IQGAP2: variants seen among roughly 807,000 people sequenced by gnomAD.
IQGAP2 encodes ras GTPase-activating-like protein IQGAP2.
Under a neutral mutation model 201.3 loss-of-function variants are expected in IQGAP2, and 173 were observed. That is an observed-to-expected ratio of 0.86 (90% confidence interval 0.76 to 0.98). The LOEUF (loss-of-function observed/expected upper bound fraction) is 0.98, where lower values mean the gene tolerates loss of function less well. Ranked by LOEUF, IQGAP2 falls within the 50% of genes least tolerant of loss-of-function variation. The probability of loss-of-function intolerance (pLI) is 0.00; values close to 1 mark genes in which losing one functional copy is unlikely to be tolerated. For synonymous variants in IQGAP2, 675 were observed against 673.9 expected (o/e 1.00, Z -0.03); for missense variants, 1,687 against 1,864.8 (o/e 0.90, Z 1.76).
At chr5:76,521,505 C>T (rs1276840561) in intron 2 of IQGAP2, among the ~76,000 whole-genome samples, 1 of 152,246 alleles carries the variant, frequency 6.6e-6, no homozygotes, top group Non-Finnish European at 1.5e-5. Flanking sequence ...CTTTATAAAA[C>T]TCCTCCATAC....
intron 2 of IQGAP2, among the ~76,000 whole-genome samples, chr5:76,483,641 C>G (rs1755928166): frequency 6.6e-6 from 1 of 152,190 alleles, no homozygotes; most frequent in South Asian, 2.1e-4. Context: ...CTCCTGGCCA[C>G]CCGGAGCACT....
rs1305588486 is a variant in IQGAP2 at position 76,631,968 on chromosome 5, G to A, written c.1722G>A (p.Glu574=). The A allele has an allele frequency of 3.7e-6, 6 of 1,612,824 alleles. No individual in the cohort carries two copies. The highest frequency in any genetic ancestry group is 3.3e-5 in the Admixed American group (2 of 59,924). The part of the protein sequence containing the change: ...STSNANDIIP[E]CADKYYDALV... Reference sequence around the variant, plus strand: ...CTAATGCAAATGACATAATCCCGGAGTGTGCTGACAAATACTATGATGCCC... The same window carrying A: ...CTAATGCAAATGACATAATCCCGGAATGTGCTGACAAATACTATGATGCCC... Residue 574 remains glutamate, a synonymous_variant, in exon 15 of 36, where the codon GAG becomes GAA. Transcript: ENST00000274364.
intron 33 of IQGAP2, among the ~76,000 whole-genome samples, chr5:76,700,520 TC>T (rs11301100): frequency 0.18 from 26,687 of 150,016 alleles, 2,958 homozygotes; most frequent in South Asian, 0.37. Context: ...ACAAAAAACC[TC>T]CCCCCAAAAA....
rs149571770 is a variant in IQGAP2, at chr5:76,559,347, C to T, written c.147-3049C>T. The stretch of plus-strand genomic sequence containing the variant: ...AATGGGAAAGGCCTGACAGAGGAGT[C>T]GGTCTCTGAGGCGTCCATTATACCA... On this transcript the variant is annotated intron_variant, in intron 2 of 35. Transcript: ENST00000274364. Among the ~76,000 whole-genome samples, 317 of 152,306 alleles carry T rather than the reference C, an allele frequency of 2.1e-3. 1 individual carries two copies. Among genetic ancestry groups the T allele is most frequent in the African/African-American group, 7.1e-3 (297 of 41,576 alleles).
Position 76,629,614 on chromosome 5 carries a change from T to G in IQGAP2, c.1612+2114T>G, listed in dbSNP as rs527607822. ...TCTAATCACTCCTTACCATGAAATTTTAATGCCACAGATATTTTGTATACC... is the reference window on the plus strand; with the variant it reads ...TCTAATCACTCCTTACCATGAAATTGTAATGCCACAGATATTTTGTATACC... On this transcript the variant is annotated intron_variant, in intron 14 of 35. Transcript: ENST00000274364. Among the ~76,000 whole-genome samples, 41 of 152,346 alleles carry G rather than the reference T, an allele frequency of 2.7e-4. No homozygotes were observed. The South Asian group carries it at 7.9e-3, about 29-fold the overall frequency.
intron 2 of IQGAP2, among the ~76,000 whole-genome samples, chr5:76,462,479 C>T (rs1754518854): frequency 6.6e-6 from 1 of 152,150 alleles, no homozygotes; most frequent in Admixed American, 6.5e-5. Flanking sequence ...AAATACTTTC[C>T]TCATGAGAGG....
intron 2 of IQGAP2, among the ~76,000 whole-genome samples, chr5:76,482,604 G>A (rs1755853448): frequency 6.6e-6 from 1 of 152,132 alleles, no homozygotes; most frequent in Middle Eastern, 3.2e-3. Context: ...TGTTATAAAG[G>A]CCAGGAAGGA....
chr5:76,615,738 T>C (rs1390964729), intron 13 of IQGAP2: 1 of 140,322 alleles, frequency 7.1e-6, no homozygotes, highest in Non-Finnish European at 1.6e-5. Flanking sequence ...AAAATAGTCA[T>C]TTACTTACAG....
At chr5:76,639,526 A>G (rs963891143) in intron 16 of IQGAP2, among the ~76,000 whole-genome samples, 1 of 152,240 alleles carries the variant, frequency 6.6e-6, no homozygotes, top group South Asian at 2.1e-4. Context: ...AGTTGGACCC[A>G]AAGGATGTGA....
intron 15 of IQGAP2, among the ~76,000 whole-genome samples, chr5:76,633,239 A>G (rs1167985200): frequency 6.6e-6 from 1 of 152,214 alleles, no homozygotes; most frequent in Non-Finnish European, 1.5e-5. Flanking sequence ...TTCTTCTGGG[A>G]AGAAAAAAAT....
chr5:76,426,420 C>T (rs1751999545), intron 1 of IQGAP2, among the ~76,000 whole-genome samples: 1 of 152,216 alleles, frequency 6.6e-6, no homozygotes, highest in Admixed American at 6.5e-5. Context: ...ACAGCCTTTA[C>T]AGCAACCTTT....
intron 14 of IQGAP2, chr5:76,628,573 A>G: frequency 3.0e-6 from 1 of 328,660 alleles, no homozygotes; most frequent in Non-Finnish European, 6.0e-6. Context: ...TATATAAATT[A>G]AGATTCCTAA....
At chr5:76,521,688 AAC>A (rs912465231) in intron 2 of IQGAP2, among the ~76,000 whole-genome samples, 1 of 152,192 alleles carries the variant, frequency 6.6e-6, no homozygotes, top group African/African-American at 2.4e-5. Flanking sequence ...TCAGTCCATC[AAC>A]ACACGTCACT....
At chr5:76,486,702 AC>A (rs1258385593) in intron 2 of IQGAP2, among the ~76,000 whole-genome samples, 3 of 152,220 alleles carry the variant, frequency 2.0e-5, no homozygotes, top group Admixed American at 2.0e-4. Flanking sequence ...AAGTGACAAC[AC>A]CCATGTAAAA....
intron 12 of IQGAP2, 138 bp from the exon 13 acceptor site, chr5:76,610,882 A>G (rs1748341482): frequency 5.3e-6 from 3 of 569,134 alleles, no homozygotes; most frequent in African/African-American, 1.9e-5. Flanking sequence ...GAGCGTATAG[A>G]CACATAATTG....
At chr5:76,446,740 T>A (rs1753414555) in intron 1 of IQGAP2, among the ~76,000 whole-genome samples, 1 of 152,214 alleles carries the variant, frequency 6.6e-6, no homozygotes, top group South Asian at 2.1e-4. Flanking sequence ...ATGGGTTGGC[T>A]CAGTTTCATC....
chr5:76,485,460 C>T (rs1216286026), intron 2 of IQGAP2, among the ~76,000 whole-genome samples: 1 of 152,138 alleles, frequency 6.6e-6, no homozygotes, highest in Non-Finnish European at 1.5e-5. Flanking sequence ...GTAAACAAAC[C>T]TTTTTTCCCC....
At chr5:76,671,565 G>A (rs1744322520) in intron 23 of IQGAP2, among the ~76,000 whole-genome samples, 194 bp from the exon 24 acceptor site, 1 of 151,770 alleles carries the variant, frequency 6.6e-6, no homozygotes, top group Non-Finnish European at 1.5e-5. Flanking sequence ...GTGCACACCT[G>A]TAGTCCCAGC....
chr5:76,492,513 G>A (rs1416326762), intron 2 of IQGAP2, among the ~76,000 whole-genome samples: 3 of 152,316 alleles, frequency 2.0e-5, no homozygotes, highest in Non-Finnish European at 4.4e-5. Flanking sequence ...GCAAAAGGTT[G>A]GAGCAGAGAT....
Sources: allele counts gnomAD v4.1 joint callset (sites outside exome capture counted in the v4.1 genomes callset), GRCh38; gene constraint gnomAD v4.1.1; transcripts MANE v1.5; gene names NCBI Gene and HGNC (gene_info 2026-07-23, HGNC 2026-07-21).